The following KRT39 variants were observed in gnomAD, a reference collection of about 807,000 sequenced individuals.
KRT39 encodes the protein keratin, type I cytoskeletal 39.
A neutral mutation model predicts 54.8 loss-of-function variants in KRT39; 47 were observed. The ratio of observed to expected loss-of-function variants is 0.86; its 90% CI spans 0.68 to 1.09. KRT39 has a LOEUF of 1.09. Among genes scored for constraint, KRT39 ranks in the 50% least tolerant of loss-of-function variants. KRT39 has a pLI of 0.00. For missense variants in KRT39, 580 were observed against 598.5 expected (o/e 0.97, Z 0.32); for synonymous variants, 207 against 227.9 (o/e 0.91, Z 0.83).
rs1193874695 is a variant in KRT39 at position 40,966,492 on chromosome 17, G to A, written c.365C>T (p.Ala122Val). ...QKVRMLEREN[A>V]ELESKIQEES... ...TTCCTGGATTTTAGATTCCAGTTCAGCATTCTCTCGTTCTAGCATTCGCAC... is the reference window on the plus strand; with the variant it reads ...TTCCTGGATTTTAGATTCCAGTTCAACATTCTCTCGTTCTAGCATTCGCAC... Residue 122 changes from alanine to valine, a missense_variant, in exon 1 of 7, where the codon GCT becomes GTT. Ala to Val is a moderately conservative substitution (Grantham distance 64, BLOSUM62 0). Coordinates refer to ENST00000355612, the MANE Select transcript of KRT39 (RefSeq NM_213656.4). The A allele has an allele frequency of 6.2e-7, 1 of 1,614,012 alleles. No homozygotes were observed. Among genetic ancestry groups the A allele is most frequent in the Non-Finnish European group, 8.5e-7 (1 of 1,179,986 alleles).
In KRT39 at chr17:40,963,725, G is replaced by A. The variant is rs752403551; in HGVS notation, c.610C>T (p.Gln204Ter). 3.7e-6 allele frequency: 6 copies of A among 1,609,672 alleles called. No homozygotes were observed. The Admixed American group carries it at 1.0e-4, about 27-fold the overall frequency. ...LVESDANGLKQILNVLTLGKA... is the reference protein window; with the variant it reads ...LVESDANGLK ...CCCAGGGTCAGCACATTCAGGATCT[G>A]CTTGAGGCCATTGGCATCTGACTCT... Residue 204 changes from glutamine to a stop codon, truncating the protein, a stop_gained, in exon 3 of 7, where the codon CAG (glutamine) becomes TAG (stop). Transcript: ENST00000355612. LOFTEE classifies it high-confidence loss of function.
At chr17:40,959,026 C>T (rs1011644782) in intron 6 of KRT39, among the ~76,000 whole-genome samples, 167 bp from the exon 7 acceptor site, 5 of 152,152 alleles carry the variant, frequency 3.3e-5, no homozygotes, top group African/African-American at 1.2e-4. Flanking sequence ...GAAAAAGAAT[C>T]AGATTAAATC....
Position 40,962,521 on chromosome 17 carries a change from T to C in KRT39, c.751A>G (p.Ile251Val), listed in dbSNP as rs371490393. Residue 251 changes from isoleucine to valine, a missense_variant, in exon 4 of 7, where the codon ATT becomes GTT. By Grantham distance (29) the Ile-to-Val change is conservative. Coordinates refer to ENST00000355612, the MANE Select transcript of KRT39 (RefSeq NM_213656.4). ...LQCQLGERLDIEVTAAPSADL... is the reference protein window; with the variant it reads ...LQCQLGERLDVEVTAAPSADL... ...GCAGAAGGGGCAGCAGTCACTTCAA[T>C]GTCAAGTCTCTCCCCAAGCTGACAC... 133 of 1,614,036 alleles carry C rather than the reference T, an allele frequency of 8.2e-5. No individual in the cohort carries two copies. Among genetic ancestry groups the C allele is most frequent in the Non-Finnish European group, 1.1e-4 (129 of 1,180,032 alleles).
chr17:40,964,576 CCTT>C, intron 1 of KRT39, 48 bp from the exon 2 acceptor site: 3 of 1,335,742 alleles, frequency 2.2e-6, no homozygotes, highest in South Asian at 2.3e-5. Flanking sequence ...ACCAAGATTT[CCTT>C]CTTTAAGAAC....
Position 40,962,447 on chromosome 17 carries a change from G to C in KRT39, c.825C>G (p.Ile275Met), listed in dbSNP as rs780842043. The C allele has an allele frequency of 5.6e-6, 9 of 1,614,222 alleles. No individual in the cohort carries two copies. The highest frequency in any genetic ancestry group is 4.4e-5 in the South Asian group (4 of 91,080). ...LQEMRCQYEP[I>M]METNRKDVEQ... is the part of the protein sequence containing the mutation. ...CCACATCTTTGCGGTTTGTCTCCAT[G>C]ATGGGCTCATATTGACATCTCATTT... is the stretch of plus-strand genomic sequence containing the variant. The change falls in exon 4 of 7, where the codon ATC becomes ATG. Residue 275 changes from isoleucine (I) to methionine (M), a missense_variant. Ile to Met is a conservative substitution (Grantham distance 10). Coordinates refer to ENST00000355612, the MANE Select transcript of KRT39 (RefSeq NM_213656.4).
At chr17:40,963,471 T>G (rs1033553953) in intron 3 of KRT39, among the ~76,000 whole-genome samples, 156 bp downstream of exon 3, 1 of 152,264 alleles carries the variant, frequency 6.6e-6, no homozygotes, top group Admixed American at 6.5e-5. Context: ...GTTACACTTC[T>G]GTCCTTTATA....
chr17:40,963,727 T>C lies in KRT39; in HGVS notation c.608A>G (p.Lys203Arg). The change falls in exon 3 of 7, where the codon AAG becomes AGG. Residue 203 changes from lysine to arginine, a missense_variant. Physicochemically the swap from Lys to Arg is conservative, Grantham distance 26 (BLOSUM62 2). Coordinates refer to ENST00000355612, the MANE Select transcript of KRT39 (RefSeq NM_213656.4). Reference sequence around the variant, plus strand: ...CAGGGTCAGCACATTCAGGATCTGCTTGAGGCCATTGGCATCTGACTCTAC... The same window carrying C: ...CAGGGTCAGCACATTCAGGATCTGCCTGAGGCCATTGGCATCTGACTCTAC... ...QLVESDANGL[K>R]QILNVLTLGK... The C allele has an allele frequency of 6.2e-7, 1 of 1,609,790 alleles. No individual in the cohort carries two copies. The highest frequency in any genetic ancestry group is 8.5e-7 in the Non-Finnish European group (1 of 1,176,596).
Position 40,966,759 on chromosome 17 carries a change from C to A in KRT39, c.98G>T (p.Gly33Val). The change falls in exon 1 of 7, where the codon GGC becomes GTC. Residue 33 changes from glycine (G) to valine (V), a missense_variant. By Grantham distance (109) the Gly-to-Val change is moderately radical. Coordinates refer to ENST00000355612, the MANE Select transcript of KRT39 (RefSeq NM_213656.4). Reference sequence around the variant, plus strand: ...GACTGTAAGGCCACCAGGATGGCAGCCGTTGTTAGAAGAGATGGTACTAAC... The same window carrying A: ...GACTGTAAGGCCACCAGGATGGCAGACGTTGTTAGAAGAGATGGTACTAAC... The part of the protein sequence containing the change: ...TNVSTISSNN[G>V]CHPGGLTVNN... 6.2e-7 allele frequency: 1 copy of A among 1,614,124 alleles called. No individual in the cohort carries two copies. Among genetic ancestry groups the A allele is most frequent in the Non-Finnish European group, 8.5e-7 (1 of 1,179,996 alleles).
Position 40,960,306 on chromosome 17 carries a change from T to C in KRT39, c.1192A>G (p.Ser398Gly). Residue 398 changes from serine (S) to glycine (G), a missense_variant, in exon 6 of 7, where the codon AGC (serine) becomes GGC (glycine). By Grantham distance (56) the Ser-to-Gly change is moderately conservative. Transcript: ENST00000355612. ...RLECEITTYR[S>G]LLESSDGKRP... ...TTGCCATCCGAGCTCTCCAGAAGGC[T>C]GCGGTATGTGGTAATCTCACATTCC... is the stretch of plus-strand genomic sequence containing the variant. 1 of 1,613,478 alleles carries C rather than the reference T, an allele frequency of 6.2e-7. No individual in the cohort carries two copies. Among genetic ancestry groups the C allele is most frequent in the Non-Finnish European group, 8.5e-7 (1 of 1,179,996 alleles).
Position 40,958,622 on chromosome 17 carries a change from G to A in KRT39, c.1455C>T (p.Ile485=). ...GATGTTAGACTTTGGCAGGTCTGAT[G>A]ATGAAACAAGGCTGCACATGCTCGT... ...SSYEHVQPCF[I]IRPAKV is the part of the protein sequence containing the mutation. Residue 485 remains isoleucine, a synonymous_variant, in exon 7 of 7, where the codon ATC becomes ATT. Transcript: ENST00000355612. The A allele has an allele frequency of 6.2e-7, 1 of 1,611,002 alleles. No individual in the cohort carries two copies. Among genetic ancestry groups the A allele is most frequent in the Non-Finnish European group, 8.5e-7 (1 of 1,178,506 alleles).
chr17:40,961,868 G>T (rs1911164122), intron 5 of KRT39, among the ~76,000 whole-genome samples: 1 of 152,108 alleles, frequency 6.6e-6, no homozygotes, highest in African/African-American at 2.4e-5. Flanking sequence ...AAAAAAGTGG[G>T]GGGATCCACA....
chr17:40,964,426 A>G lies in KRT39; in HGVS notation c.551+20T>C, dbSNP rs1330020925. Reference sequence around the variant, plus strand: ...CTCAGGGTGAGCTCTGTCATTGATGACGGTGTTGGGTGGGCTTACTTGGCT... The same window carrying G: ...CTCAGGGTGAGCTCTGTCATTGATGGCGGTGTTGGGTGGGCTTACTTGGCT... On this transcript the variant is annotated intron_variant, in intron 2 of 6. Transcript: ENST00000355612. 3.7e-6 allele frequency: 6 copies of G among 1,610,202 alleles called. No homozygotes were observed. The highest frequency in any genetic ancestry group is 5.1e-6 in the Non-Finnish European group (6 of 1,176,426).
intron 5 of KRT39, among the ~76,000 whole-genome samples, chr17:40,961,856 T>TA (rs35540580): frequency 1.3e-5 from 2 of 152,260 alleles, no homozygotes; most frequent in East Asian, 3.9e-4. Flanking sequence ...TGAGATGTTC[T>TA]AAAAAAAGTG....
chr17:40,965,964 C>A (rs1017604711), intron 1 of KRT39, among the ~76,000 whole-genome samples: 2 of 152,108 alleles, frequency 1.3e-5, no homozygotes, highest in Non-Finnish European at 2.9e-5. Context: ...CTCATGGCAG[C>A]CTCAACCTCT....
Position 40,958,630 on chromosome 17 carries a change from A to G in KRT39, c.1447T>C (p.Cys483Arg). ...ACTTTGGCAGGTCTGATGATGAAAC[A>G]AGGCTGCACATGCTCGTAAGAAGAA... ...VISSYEHVQP[C>R]FIIRPAKV The change falls in exon 7 of 7, where the codon TGT becomes CGT. Residue 483 changes from cysteine (C) to arginine (R), a missense_variant. Coordinates refer to ENST00000355612, the MANE Select transcript of KRT39 (RefSeq NM_213656.4). The G allele has an allele frequency of 6.2e-7, 1 of 1,612,344 alleles. No individual in the cohort carries two copies. Among genetic ancestry groups the G allele is most frequent in the Non-Finnish European group, 8.5e-7 (1 of 1,179,168 alleles).
chr17:40,966,296 C>T, intron 1 of KRT39, 93 bp downstream of exon 1: 2 of 1,061,228 alleles, frequency 1.9e-6, no homozygotes, highest in Non-Finnish European at 2.8e-6. Flanking sequence ...TTTTCAGCAT[C>T]AACTGAACAA....
rs1213870931 is a variant in KRT39, at chr17:40,963,488, C to G, written c.708+139G>C. On this transcript the variant is annotated intron_variant, in intron 3 of 6. Transcript: ENST00000355612. ...TACACTTCTGTCCTTTATAAATTAC[C>G]TACTCTCAGTTATTTCTTTATAGCA... 4.1e-6 allele frequency: 3 copies of G among 725,290 alleles called. No homozygotes were observed. The African/African-American group carries it at 5.3e-5, about 13-fold the overall frequency. The allele number at this position is 725,290 out of a possible 1,614,324, so 44.9% of individuals were successfully genotyped here.
intron 5 of KRT39, 120 bp downstream of exon 5, chr17:40,962,042 C>A: frequency 7.4e-7 from 1 of 1,345,868 alleles, no homozygotes; most frequent in Non-Finnish European, 1.0e-6. Context: ...CAGCCATAGA[C>A]GCTTTAACAA....
At chr17:40,960,857 C>A (rs747315911) in intron 5 of KRT39, among the ~76,000 whole-genome samples, 3 of 152,186 alleles carry the variant, frequency 2.0e-5, no homozygotes, top group Admixed American at 6.5e-5. Flanking sequence ...ACTGGCTGGG[C>A]GCAGTGGCTC....
Sources: gnomAD v4.1 joint callset for allele counts (sites outside exome capture counted in the v4.1 genomes callset) on GRCh38, gnomAD v4.1.1 for gene constraint, MANE v1.5 for transcripts, NCBI Gene and HGNC (gene_info 2026-07-23, HGNC 2026-07-21) for gene names.